Variants in FAM163B observed in about 807,000 individuals in gnomAD.
The protein encoded by FAM163B is family with sequence similarity 163 member B, also known as protein FAM163B.
FAM163B carries 4 observed loss-of-function variants against 7.6 expected under a neutral mutation model. That is an observed-to-expected ratio of 0.52 (90% CI 0.26 to 1.20). The LOEUF (loss-of-function observed/expected upper bound fraction) is 1.20, where lower values mean the gene tolerates loss of function less well. Ranked by LOEUF, FAM163B falls within the 50% of genes most tolerant of loss-of-function variation. The pLI is 0.14. For synonymous variants in FAM163B, 120 were observed against 111.6 expected (o/e 1.07, Z -0.47); for missense variants, 250 against 243.0 (o/e 1.03, Z -0.19).
At chr9:133,593,050 C>G (rs3025298) in intron 1 of FAM163B, among the ~76,000 whole-genome samples, 116,309 of 152,206 alleles carry the variant, frequency 0.76, 44,903 homozygotes, top group African/African-American at 0.86. Context: ...GTGTGAGTGC[C>G]GTGTGCGCCT....
chr9:133,593,895 G>A (rs1464682212), intron 1 of FAM163B, among the ~76,000 whole-genome samples: 1 of 152,074 alleles, frequency 6.6e-6, no homozygotes, highest in East Asian at 1.9e-4. Context: ...TCCTAAGTCT[G>A]GGCTGGGAGC....
Position 133,579,121 on chromosome 9 carries a change from G to A in FAM163B, c.402C>T (p.Pro134=), listed in dbSNP as rs1339584926. 6.2e-7 allele frequency: 1 copy of A among 1,607,926 alleles called. No homozygotes were observed. Among genetic ancestry groups the A allele is most frequent in the African/African-American group, 1.3e-5 (1 of 74,886 alleles). The change falls in exon 3 of 3, where the codon CCC becomes CCT. Residue 134 remains proline (P), a synonymous_variant. Transcript: ENST00000673969. ...KSVSQEDVEL[P]PGGFGGLQAL... is the part of the protein sequence containing the mutation. ...CCTGCAGGCCCCCGAAGCCCCCCGGGGGCAGCTCCACGTCCTCCTGGCTCA... is the reference window on the plus strand; with the variant it reads ...CCTGCAGGCCCCCGAAGCCCCCCGGAGGCAGCTCCACGTCCTCCTGGCTCA...
intron 1 of FAM163B, among the ~76,000 whole-genome samples, chr9:133,586,485 G>A (rs1831440118): frequency 6.6e-6 from 1 of 152,232 alleles, no homozygotes; most frequent in African/African-American, 2.4e-5. Flanking sequence ...CCCAGAAAGA[G>A]CACAGGGACC....
chr9:133,608,130 C>T (rs1041545998), intron 1 of FAM163B, among the ~76,000 whole-genome samples: 4 of 152,212 alleles, frequency 2.6e-5, no homozygotes, highest in Non-Finnish European at 4.4e-5. Flanking sequence ...CAGGGTGGCC[C>T]GCTGGCTCTC....
At position 133,609,177 on chromosome 9, in the gene FAM163B, C is replaced by A. The variant is rs541896079; in HGVS notation, c.-124G>T. On this transcript the variant is annotated 5_prime_UTR_variant, in exon 1 of 3. Coordinates refer to ENST00000673969, the MANE Select transcript of FAM163B (RefSeq NM_001080515.3). The stretch of plus-strand genomic sequence containing the variant: ...CGGGCAGGGCGCAGCTAGCGGCGGC[C>A]GCTCATGCCCAGGCCACGGCGGTGG... Among the ~76,000 whole-genome samples, 1 of 151,932 alleles carries A rather than the reference C, an allele frequency of 6.6e-6. No homozygotes were observed. Among genetic ancestry groups the A allele is most frequent in the South Asian group, 2.1e-4 (1 of 4,834 alleles).
At chr9:133,605,068 C>G (rs888373504) in intron 1 of FAM163B, among the ~76,000 whole-genome samples, 1 of 152,212 alleles carries the variant, frequency 6.6e-6, no homozygotes, top group Non-Finnish European at 1.5e-5. Context: ...TGCCTGCTTG[C>G]CAGGTGCAGA....
rs1281278081 is a variant in FAM163B, at chr9:133,578,296, G to C, written c.*726C>G. On this transcript the variant is annotated 3_prime_UTR_variant, in exon 3 of 3. Coordinates refer to ENST00000673969, the MANE Select transcript of FAM163B (RefSeq NM_001080515.3). ...CCCACGGCAGGGGGACTGCGACATGGCCTCTCCCTCTCCCCGTGCCTCCCT... is the reference window on the plus strand; with the variant it reads ...CCCACGGCAGGGGGACTGCGACATGCCCTCTCCCTCTCCCCGTGCCTCCCT... 1.3e-5 allele frequency: 2 copies of C among 152,444 alleles called. No individual in the cohort carries two copies. The highest frequency in any genetic ancestry group is 3.9e-4 in the East Asian group (2 of 5,194). The allele number at this position is 152,444 out of a possible 1,614,324, so 9.4% of individuals were successfully genotyped here.
chr9:133,592,682 C>A (rs1831572259), intron 1 of FAM163B, among the ~76,000 whole-genome samples: 1 of 152,240 alleles, frequency 6.6e-6, no homozygotes, highest in African/African-American at 2.4e-5. Flanking sequence ...CAGTCTGTGT[C>A]TCCCCCAGGC....
At chr9:133,599,449 TGTATCTGTGTCTGTGG>T (rs1487020003) in intron 1 of FAM163B, among the ~76,000 whole-genome samples, 7 of 152,140 alleles carry the variant, frequency 4.6e-5, no homozygotes, top group Non-Finnish European at 8.8e-5. Flanking sequence ...TGTGTGTCTG[TGTATCTGTGTCTGTGG>T]GTATCTGTGT....
At chr9:133,602,772 A>G (rs1831745776) in intron 1 of FAM163B, among the ~76,000 whole-genome samples, 1 of 152,212 alleles carries the variant, frequency 6.6e-6, no homozygotes, top group African/African-American at 2.4e-5. Context: ...TCTAAACACA[A>G]GTAAATACCA....
intron 1 of FAM163B, among the ~76,000 whole-genome samples, chr9:133,590,218 CTCCT>C (rs1269111789): frequency 2.1e-5 from 3 of 142,798 alleles, no homozygotes; most frequent in Admixed American, 7.1e-5. Flanking sequence ...CCTTCCCTCT[CTCCT>C]TCCTTCCTTC....
chr9:133,584,068 C>G (rs888559602), intron 1 of FAM163B, among the ~76,000 whole-genome samples: 2 of 151,740 alleles, frequency 1.3e-5, no homozygotes, highest in African/African-American at 2.4e-5. Context: ...GGACCTACCA[C>G]GCCATCAAAG....
chr9:133,604,540 C>T (rs1215526787), intron 1 of FAM163B, among the ~76,000 whole-genome samples: 6 of 152,250 alleles, frequency 3.9e-5, no homozygotes, highest in African/African-American at 1.4e-4. Context: ...TCTCTTACTG[C>T]AAGCATGTAT....
At position 133,601,867 on chromosome 9, in the gene FAM163B, G is replaced by T. The variant is rs1432070194; in HGVS notation, c.-24+7210C>A. Among the ~76,000 whole-genome samples, 1 of 152,220 alleles carries T rather than the reference G, an allele frequency of 6.6e-6. No individual in the cohort carries two copies. The highest frequency in any genetic ancestry group is 2.4e-5 in the African/African-American group (1 of 41,458). ...GGCCAGGAGGTCCTTCAGGCAGCGA[G>T]GGGGGTAGGTGGGAGGAGCCTCAGG... On this transcript the variant is annotated intron_variant, in intron 1 of 2. Coordinates refer to ENST00000673969, the MANE Select transcript of FAM163B (RefSeq NM_001080515.3). This position sits in a 1 kb window ranked among gnomAD's most constrained non-coding sequence, Gnocchi z 4.1.
chr9:133,579,316 C>A lies in FAM163B; in HGVS notation c.207G>T (p.Gly69=). Residue 69 remains glycine, a synonymous_variant, in exon 3 of 3, where the codon GGG becomes GGT. Coordinates refer to ENST00000673969, the MANE Select transcript of FAM163B (RefSeq NM_001080515.3). The stretch of plus-strand genomic sequence containing the variant: ...TGGAGGCGGTGGGGTAGAGCGCCGG[C>A]CCGTTGGTCAGCACCAGGTTGCGGT... The part of the protein sequence containing the change: ...HSNRNLVLTN[G]PALYPTASTS... The A allele has an allele frequency of 6.2e-7, 1 of 1,613,618 alleles. No individual in the cohort carries two copies. The highest frequency in any genetic ancestry group is 8.5e-7 in the Non-Finnish European group (1 of 1,179,954).
At position 133,581,547 on chromosome 9, in the gene FAM163B, T is replaced by C. The variant is rs1396733361; in HGVS notation, c.-23-1301A>G. Among the ~76,000 whole-genome samples, 8 of 152,140 alleles carry C rather than the reference T, an allele frequency of 5.3e-5. No homozygotes were observed. The East Asian group carries it at 1.5e-3, about 29-fold the overall frequency. The stretch of plus-strand genomic sequence containing the variant: ...TTTCTCCTGTCGTCTCTGAAATGCC[T>C]TTTTTACGGTTGGTTAGTTCAAATC... On this transcript the variant is annotated intron_variant, in intron 1 of 2. Transcript: ENST00000673969.
intron 1 of FAM163B, among the ~76,000 whole-genome samples, chr9:133,586,425 G>A (rs1215133379): frequency 6.6e-5 from 10 of 152,350 alleles, no homozygotes; most frequent in South Asian, 2.1e-4. Context: ...TGGAAAACTC[G>A]TTCGTGCCCA....
chr9:133,604,635 A>G (rs1002068048), intron 1 of FAM163B, among the ~76,000 whole-genome samples: 2 of 152,154 alleles, frequency 1.3e-5, no homozygotes, highest in African/African-American at 4.8e-5. Context: ...TTATGCAAAT[A>G]GAACCTCTTT....
intron 1 of FAM163B, among the ~76,000 whole-genome samples, chr9:133,602,086 C>A (rs1347609542): frequency 6.6e-6 from 1 of 151,734 alleles, no homozygotes; most frequent in Non-Finnish European, 1.5e-5. Flanking sequence ...CCCGCCCCCC[C>A]AAACACACAC....
Sources: allele counts gnomAD v4.1 joint callset (sites outside exome capture counted in the v4.1 genomes callset), GRCh38; gene constraint gnomAD v4.1.1; non-coding constraint Gnocchi (gnomAD v3.1); transcripts MANE v1.5; gene names NCBI Gene and HGNC (gene_info 2026-07-23, HGNC 2026-07-21).